The following GK variants were observed in gnomAD, a reference collection of about 807,000 sequenced individuals.
GK encodes the protein ATP:glycerol 3-phosphotransferase.
Under a neutral mutation model 56.4 loss-of-function variants are expected in GK, and 9 were observed. The observed-to-expected ratio is 0.16, with a 90% confidence interval of 0.10 to 0.28. The LOEUF (loss-of-function observed/expected upper bound fraction) is 0.28, where lower values mean the gene tolerates loss of function less well. Among genes scored for constraint, GK ranks in the 10% least tolerant of loss-of-function variants. GK has a pLI of 1.00. For missense variants in GK, 161 were observed against 431.4 expected (o/e 0.37, Z 5.55); for synonymous variants, 104 against 144.1 (o/e 0.72, Z 1.99).
At chrX:30,719,008 T>C (rs183923976) in intron 14 of GK, among the ~76,000 whole-genome samples, 2 of 111,520 alleles carry the variant, frequency 1.8e-5, no homozygotes, top group Admixed American at 1.9e-4. Flanking sequence ...TTTCAGTCTA[T>C]AGATAATTAG....
chrX:30,715,668 A>G (rs1391509668), intron 13 of GK, among the ~76,000 whole-genome samples: 1 of 112,369 alleles, frequency 8.9e-6, no homozygotes, highest in East Asian at 2.8e-4. Flanking sequence ...GCTTTGAAAC[A>G]TTATTACCAT....
rs1341342831 is a variant in GK at position 30,720,888 on chromosome X, C to T, written c.1394C>T (p.Ala465Val). The change falls in exon 18 of 21, where the codon GCG (alanine) becomes GTG (valine). Residue 465 changes from alanine to valine, a missense_variant. Coordinates refer to ENST00000427190, the MANE Select transcript of GK (RefSeq NM_001205019.2). ...PSMPETTALG[A>V]AMAAGAAEGV... Reference sequence around the variant, plus strand: ...ATGCCCGAAACCACTGCACTGGGTGCGGCTATGGCGGCAGGGGCTGCAGAA... The same window carrying T: ...ATGCCCGAAACCACTGCACTGGGTGTGGCTATGGCGGCAGGGGCTGCAGAA... 8.3e-6 allele frequency: 10 copies of T among 1,211,234 alleles called. No homozygotes were observed. The highest frequency in any genetic ancestry group is 1.1e-5 in the Non-Finnish European group (10 of 894,948).
chrX:30,674,204 C>T (rs1933726643), intron 3 of GK: 1 of 318,370 alleles, frequency 3.1e-6, no homozygotes, highest in Admixed American at 3.2e-5. Context: ...AGTCACACTG[C>T]TAGGAAGCAC....
At chrX:30,677,503 A>G in intron 4 of GK, 51 bp downstream of exon 4, 1 of 703,068 alleles carries the variant, frequency 1.4e-6, no homozygotes, top group Non-Finnish European at 2.3e-6. Flanking sequence ...TCACATTGCA[A>G]ATGTGGTCAT....
chrX:30,704,716 C>T (rs888214992), intron 11 of GK, among the ~76,000 whole-genome samples: 7 of 110,051 alleles, frequency 6.4e-5, no homozygotes, highest in Admixed American at 9.7e-5. Context: ...GGACTACAGG[C>T]GCCCGCCACC....
Position 30,730,404 on chromosome X carries a change from A to G in GK, c.*1662A>G, listed in dbSNP as rs1937303925. ...TATAGAAAGGTACTGTGAAATGATCACTTTGTGGCAGGGGTACTTTTAAAC... is the reference window on the plus strand; with the variant it reads ...TATAGAAAGGTACTGTGAAATGATCGCTTTGTGGCAGGGGTACTTTTAAAC... On this transcript the variant is annotated 3_prime_UTR_variant, in exon 21 of 21. Coordinates refer to ENST00000427190, the MANE Select transcript of GK (RefSeq NM_001205019.2). The G allele has an allele frequency of 8.9e-6, 1 of 111,802 alleles. No homozygotes were observed. Among genetic ancestry groups the G allele is most frequent in the African/African-American group, 3.2e-5 (1 of 30,782 alleles). 9.2% of individuals were successfully genotyped at this position (111,802 alleles called of 1,213,427 possible).
At chrX:30,657,639 G>A (rs917156622) in intron 1 of GK, among the ~76,000 whole-genome samples, 4 of 111,837 alleles carry the variant, frequency 3.6e-5, no homozygotes, top group African/African-American at 1.3e-4. Context: ...GATGTAGATC[G>A]TATTAGTAAG....
chrX:30,712,717 CTTTTTTTTTTT>C (rs769269247), intron 13 of GK, among the ~76,000 whole-genome samples: 15 of 48,433 alleles, frequency 3.1e-4, no homozygotes, highest in East Asian at 8.0e-4. Context: ...TTTTTCTTTT[CTTTTTTTTTTT>C]TTTTTTTTTT....
chrX:30,685,044 A>G (rs948758138), intron 4 of GK, among the ~76,000 whole-genome samples: 6 of 112,688 alleles, frequency 5.3e-5, no homozygotes, highest in East Asian at 5.5e-4. Flanking sequence ...TGTTTCAAAG[A>G]ATCAGCAGAA....
At chrX:30,693,601 T>A (rs1359048404) in intron 5 of GK, among the ~76,000 whole-genome samples, 1 of 111,389 alleles carries the variant, frequency 9.0e-6, no homozygotes, top group African/African-American at 3.3e-5. Flanking sequence ...CAGGCTGGAG[T>A]GCAGTGGTGC....
At chrX:30,662,767 T>TTC (rs367573891) in intron 1 of GK, among the ~76,000 whole-genome samples, 6,317 of 74,968 alleles carry the variant, frequency 0.084, 284 homozygotes, top group African/African-American at 0.12. Flanking sequence ...CCTTCCTTCC[T>TTC]TCTCTCTCTC....
chrX:30,660,960 G>C (rs1265609483), intron 1 of GK, among the ~76,000 whole-genome samples: 1 of 109,092 alleles, frequency 9.2e-6, no homozygotes. Context: ...TTACAGGTGC[G>C]TGCCACCATG....
chrX:30,694,368 C>A (rs766385091), intron 5 of GK, 32 bp from the exon 6 acceptor site: 2 of 1,178,543 alleles, frequency 1.7e-6, no homozygotes, highest in South Asian at 3.6e-5. Flanking sequence ...TTACACTTTT[C>A]ATTTGCTAAC....
chrX:30,679,943 A>C (rs1230015389), intron 4 of GK, among the ~76,000 whole-genome samples: 1 of 112,280 alleles, frequency 8.9e-6, no homozygotes, highest in Non-Finnish European at 1.9e-5. Flanking sequence ...TGATAGGTTG[A>C]AAAGGACTTA....
chrX:30,664,242 G>A (rs1160643975), intron 1 of GK, among the ~76,000 whole-genome samples: 3 of 98,170 alleles, frequency 3.1e-5, no homozygotes, highest in African/African-American at 1.1e-4. Flanking sequence ...TGCCCAGGCT[G>A]GAGTGCAATA....
chrX:30,721,974 A>G (rs1936930138), intron 18 of GK: 1 of 112,213 alleles, frequency 8.9e-6, no homozygotes, highest in Non-Finnish European at 1.9e-5. Context: ...GGGAATGGTA[A>G]TTTGTGCCTA....
intron 3 of GK, among the ~76,000 whole-genome samples, chrX:30,672,795 C>A (rs922230802): frequency 1.8e-5 from 2 of 111,258 alleles, no homozygotes; most frequent in Admixed American, 9.5e-5. Flanking sequence ...GCCTGGGCAA[C>A]AACATCGAAA....
At chrX:30,688,691 T>C (rs935447987) in intron 4 of GK, among the ~76,000 whole-genome samples, 8 of 111,210 alleles carry the variant, frequency 7.2e-5, no homozygotes, top group African/African-American at 2.6e-4. Context: ...GTAGTCCTGG[T>C]ATGCTTTATA....
intron 1 of GK, among the ~76,000 whole-genome samples, chrX:30,657,097 C>A (rs1237449289): frequency 8.9e-6 from 1 of 112,613 alleles, no homozygotes; most frequent in East Asian, 2.8e-4. Flanking sequence ...GATCCACCCA[C>A]GTTGGCCTCC....
Sources: allele counts gnomAD v4.1 joint callset (sites outside exome capture counted in the v4.1 genomes callset), GRCh38; gene constraint gnomAD v4.1.1; transcripts MANE v1.5; gene names NCBI Gene and HGNC (gene_info 2026-07-23, HGNC 2026-07-21).